Variants in RAPGEF1 observed in about 807,000 individuals in gnomAD.
RAPGEF1 encodes the protein Rap guanine nucleotide exchange factor 1.
In RAPGEF1, 33 loss-of-function variants were observed where a neutral mutation model predicts 143.3. The observed-to-expected ratio is 0.23, with a 90% CI of 0.17 to 0.31. The LOEUF (loss-of-function observed/expected upper bound fraction) is 0.31, where lower values mean the gene tolerates loss of function less well. Among genes scored for constraint, RAPGEF1 ranks in the 10% least tolerant of loss-of-function variants. The pLI is 1.00. For synonymous variants in RAPGEF1, 629 were observed against 676.5 expected (o/e 0.93, Z 1.09); for missense variants, 1,199 against 1,645.4 (o/e 0.73, Z 4.69).
intron 1 of RAPGEF1, among the ~76,000 whole-genome samples, chr9:131,738,948 G>C (rs1270235130): frequency 6.6e-6 from 1 of 152,166 alleles, no homozygotes; most frequent in Non-Finnish European, 1.5e-5. Flanking sequence ...TATGACCACA[G>C]GGCATGCTCC....
At chr9:131,666,109 T>C (rs1162207566) in intron 1 of RAPGEF1, among the ~76,000 whole-genome samples, 1 of 152,206 alleles carries the variant, frequency 6.6e-6, no homozygotes, top group Non-Finnish European at 1.5e-5. Context: ...CTACACCAGA[T>C]GGTAATATCA....
At chr9:131,613,793 A>G (rs931548896) in intron 12 of RAPGEF1, among the ~76,000 whole-genome samples, 1 of 152,178 alleles carries the variant, frequency 6.6e-6, no homozygotes, top group Non-Finnish European at 1.5e-5. Context: ...TCTGCCTCAA[A>G]GGGTATGAAC....
At chr9:131,657,575 C>A (rs560903241) in intron 1 of RAPGEF1, among the ~76,000 whole-genome samples, 1 of 151,756 alleles carries the variant, frequency 6.6e-6, no homozygotes, top group Non-Finnish European at 1.5e-5. Context: ...CCTTCTGCAG[C>A]GATGGAGGCG....
In RAPGEF1 at chr9:131,675,228, G is replaced by A. The variant is rs920246463; in HGVS notation, c.62-24279C>T. ...TCGTGGGGATGAGGCACGGACCGAG[G>A]GGAAAATGCTCCCAGCAGAGGGATG... is the stretch of plus-strand genomic sequence containing the variant. On this transcript the variant is annotated intron_variant, in intron 1 of 26. Coordinates refer to ENST00000683357, the MANE Select transcript of RAPGEF1 (RefSeq NM_001377935.1). This position sits in a 1 kb window ranked among gnomAD's most constrained non-coding sequence, Gnocchi z 4.6. Among the ~76,000 whole-genome samples, 1 of 152,164 alleles carries A rather than the reference G, an allele frequency of 6.6e-6. No individual in the cohort carries two copies. Among genetic ancestry groups the A allele is most frequent in the African/African-American group, 2.4e-5 (1 of 41,434 alleles).
chr9:131,699,050 T>A (rs1834422581), intron 1 of RAPGEF1, among the ~76,000 whole-genome samples: 1 of 152,178 alleles, frequency 6.6e-6, no homozygotes, highest in Non-Finnish European at 1.5e-5. Context: ...GTCATTCCCA[T>A]CAGCATTCAA....
rs968648876 is a variant in RAPGEF1, at chr9:131,584,103, C to A, written c.3414+208G>T. Among the ~76,000 whole-genome samples, 1 of 152,182 alleles carries A rather than the reference C, an allele frequency of 6.6e-6. No homozygotes were observed. The highest frequency in any genetic ancestry group is 1.5e-5 in the Non-Finnish European group (1 of 68,036). On this transcript the variant is annotated intron_variant, in intron 24 of 26. Coordinates refer to ENST00000683357, the MANE Select transcript of RAPGEF1 (RefSeq NM_001377935.1). This position sits in a 1 kb window ranked among gnomAD's most constrained non-coding sequence, Gnocchi z 6.8. ...GATGTGACCACCCCAGAACCAACCT[C>A]GAAGCTCCCGGGGGCCTGAAGATTG... is the stretch of plus-strand genomic sequence containing the variant.
chr9:131,614,834 GTT>G (rs5900947), intron 12 of RAPGEF1, among the ~76,000 whole-genome samples: 11 of 146,292 alleles, frequency 7.5e-5, no homozygotes, highest in African/African-American at 1.8e-4. Context: ...TTAGCCTGAA[GTT>G]TTTTTTTTTT....
At chr9:131,702,181 C>T (rs149756985) in intron 1 of RAPGEF1, among the ~76,000 whole-genome samples, 14 of 152,322 alleles carry the variant, frequency 9.2e-5, no homozygotes, top group Admixed American at 3.3e-4. Context: ...TCATTAGTCA[C>T]GCTGCCTAAC....
intron 1 of RAPGEF1, among the ~76,000 whole-genome samples, chr9:131,688,964 C>G (rs1351012861): frequency 6.6e-6 from 1 of 152,134 alleles, no homozygotes; most frequent in Non-Finnish European, 1.5e-5. Flanking sequence ...AACTGGAATT[C>G]CCACTTCACC....
At chr9:131,647,390 G>T (rs1458581331) in intron 3 of RAPGEF1, among the ~76,000 whole-genome samples, 1 of 152,192 alleles carries the variant, frequency 6.6e-6, no homozygotes, top group East Asian at 1.9e-4. Flanking sequence ...AACCACCCAG[G>T]ACAGGGCTGG....
At chr9:131,695,314 A>T (rs948140754) in intron 1 of RAPGEF1, among the ~76,000 whole-genome samples, 3 of 152,178 alleles carry the variant, frequency 2.0e-5, no homozygotes, top group Non-Finnish European at 2.9e-5. Flanking sequence ...TCCGGTTTCA[A>T]ATTCCTGAGG....
intron 3 of RAPGEF1, among the ~76,000 whole-genome samples, chr9:131,649,526 A>C (rs1351179901): frequency 6.6e-6 from 1 of 152,188 alleles, no homozygotes; most frequent in African/African-American, 2.4e-5. Flanking sequence ...ACTTTGGCTA[A>C]ATGCTTAATA....
intron 12 of RAPGEF1, among the ~76,000 whole-genome samples, chr9:131,609,473 C>T (rs1564516636): frequency 6.6e-6 from 1 of 152,128 alleles, no homozygotes; most frequent in South Asian, 2.1e-4. Flanking sequence ...TACAGCCTCA[C>T]CAAATCTGCA....
chr9:131,690,010 G>A (rs542558278), intron 1 of RAPGEF1, among the ~76,000 whole-genome samples: 80 of 152,282 alleles, frequency 5.3e-4, no homozygotes, highest in African/African-American at 1.9e-3. Context: ...CGGGCCTTGT[G>A]AGTCTGTTAA....
chr9:131,693,447 C>T (rs1371342094), intron 1 of RAPGEF1, among the ~76,000 whole-genome samples: 1 of 152,116 alleles, frequency 6.6e-6, no homozygotes, highest in Admixed American at 6.6e-5. Flanking sequence ...TCAGAGAAAT[C>T]AGGAGAGAGA....
chr9:131,643,189 T>C, intron 4 of RAPGEF1, 50 bp downstream of exon 4: 1 of 1,547,112 alleles, frequency 6.5e-7, no homozygotes, highest in Non-Finnish European at 8.7e-7. Context: ...CCAAGATGCT[T>C]CTAAGGCTTC....
rs1190558127 is a variant in RAPGEF1 at position 131,583,562 on chromosome 9, G to A, written c.3414+749C>T. Among the ~76,000 whole-genome samples, 3 of 150,606 alleles carry A rather than the reference G, an allele frequency of 2.0e-5. No individual in the cohort carries two copies. The highest frequency in any genetic ancestry group is 4.4e-5 in the Non-Finnish European group (3 of 67,618). On this transcript the variant is annotated intron_variant, in intron 24 of 26. Transcript: ENST00000683357. This position sits in a 1 kb window ranked among gnomAD's most constrained non-coding sequence, Gnocchi z 4.7. ...CCTGACACAATCCCTGGGTGGCCTG[G>A]CTGAACTTGGGTCCCTGACATGACC...
At chr9:131,663,540 G>A (rs1416493059) in intron 1 of RAPGEF1, among the ~76,000 whole-genome samples, 1 of 148,666 alleles carries the variant, frequency 6.7e-6, no homozygotes, top group Non-Finnish European at 1.5e-5. Flanking sequence ...CCCTTATCTA[G>A]TCTGGAGGCA....
At chr9:131,734,352 A>C (rs899348111) in intron 1 of RAPGEF1, among the ~76,000 whole-genome samples, 1 of 152,202 alleles carries the variant, frequency 6.6e-6, no homozygotes, top group African/African-American at 2.4e-5. Context: ...GTGAGGATGA[A>C]ATGAAATGAG....
Sources: allele counts gnomAD v4.1 joint callset (sites outside exome capture counted in the v4.1 genomes callset), GRCh38; gene constraint gnomAD v4.1.1; non-coding constraint Gnocchi (gnomAD v3.1); transcripts MANE v1.5; gene names NCBI Gene and HGNC (gene_info 2026-07-23, HGNC 2026-07-21).